The following CAST variants were observed in gnomAD, a reference collection of about 807,000 sequenced individuals.
CAST encodes MIR583 host.
In CAST, 76 loss-of-function variants were observed where a neutral mutation model predicts 119.6. The observed-to-expected ratio is 0.64, with a 90% CI of 0.53 to 0.77. The LOEUF (loss-of-function observed/expected upper bound fraction) is 0.77. Among genes scored for constraint, CAST ranks in the 30% least tolerant of loss-of-function variants. The pLI, the probability that CAST is intolerant of heterozygous loss-of-function variation, is 0.00. For missense variants in CAST, 953 were observed against 946.5 expected, an observed-to-expected ratio of 1.01 and a Z score of -0.09; for synonymous variants, 319 against 331.6, an observed-to-expected ratio of 0.96 and a Z score of 0.41.
At chr5:96,522,007 T>C (rs1745525507), upstream of CAST, among the ~76,000 whole-genome samples, 1 of 152,110 alleles carries the variant, frequency 6.6e-6, no homozygotes, top group African/African-American at 2.4e-5. Flanking sequence ...TCCCAGCTAC[T>C]TGGGAGGCTC....
chr5:96,409,462 AG>A, the CAST span, among the ~76,000 whole-genome samples: 1 of 152,222 alleles, frequency 6.6e-6, no homozygotes, highest in Non-Finnish European at 1.5e-5. Flanking sequence ...GGTTTGCGTA[AG>A]AAAAAGGTTA....
At chr5:96,370,720 T>C in the CAST span, among the ~76,000 whole-genome samples, 969 of 152,318 alleles carry the variant, frequency 6.4e-3, 14 homozygotes, top group Admixed American at 0.011. Flanking sequence ...TGGACTACAC[T>C]GTGCAACTGT....
At chr5:96,603,128 C>T (rs73774325) in intron 1 of CAST, among the ~76,000 whole-genome samples, 24 of 152,296 alleles carry the variant, frequency 1.6e-4, no homozygotes, top group African/African-American at 5.3e-4. Flanking sequence ...ATTGAAATGC[C>T]TTTTGGTTTG....
At chr5:96,416,791 G>A in the CAST span, among the ~76,000 whole-genome samples, 1 of 152,176 alleles carries the variant, frequency 6.6e-6, no homozygotes, top group Non-Finnish European at 1.5e-5. Context: ...AACATGATTG[G>A]TTTTGCAGTC....
intron 1 of CAST, chr5:96,663,088 C>T (rs1471382627): frequency 1.4e-6 from 1 of 702,058 alleles, no homozygotes; most frequent in Admixed American, 2.0e-5. Context: ...ACACCCCGCG[C>T]CCTCGCCGGC....
At chr5:96,026,831 C>T in the CAST span, among the ~76,000 whole-genome samples, 2 of 152,158 alleles carry the variant, frequency 1.3e-5, no homozygotes, top group Non-Finnish European at 2.9e-5. Context: ...TGGAATTATT[C>T]CAGATATGCT....
chr5:96,395,162 G>A, the CAST span: 1 of 742,688 alleles, frequency 1.3e-6, no homozygotes, highest in Non-Finnish European at 2.3e-6. Context: ...GAAACCATTG[G>A]ATCCACTCTT....
At chr5:96,650,201 T>C (rs775959706) in intron 1 of CAST, among the ~76,000 whole-genome samples, 18 of 152,336 alleles carry the variant, frequency 1.2e-4, no homozygotes, top group Non-Finnish European at 2.2e-4. Flanking sequence ...TTGGAACTAG[T>C]TCTAGCCAAT....
At chr5:96,684,593 C>T (rs927510812) in intron 2 of CAST, among the ~76,000 whole-genome samples, 4 of 149,894 alleles carry the variant, frequency 2.7e-5, no homozygotes, top group Non-Finnish European at 4.4e-5. Context: ...GATAGAGTCT[C>T]ACTTTGTTGC....
the CAST span, among the ~76,000 whole-genome samples, chr5:96,268,361 C>T: frequency 1.3e-5 from 2 of 152,092 alleles, no homozygotes; most frequent in African/African-American, 4.8e-5. Context: ...TTGCCTGAGG[C>T]AAGAAGTTCG....
At chr5:96,324,521 A>C in the CAST span, among the ~76,000 whole-genome samples, 2 of 151,224 alleles carry the variant, frequency 1.3e-5, no homozygotes, top group Non-Finnish European at 2.9e-5. Flanking sequence ...CCCTACCTTC[A>C]CTCTTTAGTC....
chr5:96,208,703 A>G, the CAST span, among the ~76,000 whole-genome samples: 1 of 150,476 alleles, frequency 6.6e-6, no homozygotes, highest in Non-Finnish European at 1.5e-5. Context: ...GTTTGGTATG[A>G]TTTTTTTTTA....
rs1770404494 is a variant in CAST at position 96,767,472 on chromosome 5, A to C, written c.2165A>C (p.Glu722Ala). 6.2e-7 allele frequency: 1 copy of C among 1,612,464 alleles called. No individual in the cohort carries two copies. Among genetic ancestry groups the C allele is most frequent in the African/African-American group, 1.3e-5 (1 of 75,004 alleles). Residue 722 changes from glutamate (E) to alanine (A), a missense_variant, in exon 28 of 32, where the codon GAG becomes GCG. Glu to Ala is a moderately radical substitution (Grantham distance 107). Transcript: ENST00000675179. ...GTGAAGCCACCTACAAAGAAATCAG[A>C]GGATTCAAAGGTAAAGACCATAGGA... ...KPVKPPTKKS[E>A]DSKKPADDQD...
chr5:96,280,216 T>C, the CAST span, among the ~76,000 whole-genome samples: 1 of 152,130 alleles, frequency 6.6e-6, no homozygotes, highest in Non-Finnish European at 1.5e-5. Context: ...TTACCGTAAA[T>C]TCATTCTCTG....
the CAST span, among the ~76,000 whole-genome samples, chr5:96,249,009 G>A: frequency 6.6e-6 from 1 of 152,202 alleles, no homozygotes; most frequent in Admixed American, 6.5e-5. Flanking sequence ...TGTTTGTGGA[G>A]AAAGATTGGC....
chr5:96,496,035 A>G, the CAST span, among the ~76,000 whole-genome samples: 5 of 152,202 alleles, frequency 3.3e-5, no homozygotes, highest in Non-Finnish European at 1.5e-5. Flanking sequence ...GAATATTTTC[A>G]TATGTGATAA....
At chr5:96,702,945 AGGCCGCGCGTGCTCCC>A (rs1754151261) in intron 3 of CAST, 4 of 985,610 alleles carry the variant, frequency 4.1e-6, no homozygotes, top group Non-Finnish European at 4.8e-6. Context: ...GCTTTGCTCC[AGGCCGCGCGTGCTCCC>A]GGGTCTAGGG....
At chr5:96,044,346 G>A in the CAST span, among the ~76,000 whole-genome samples, 4 of 152,098 alleles carry the variant, frequency 2.6e-5, no homozygotes, top group Non-Finnish European at 5.9e-5. Flanking sequence ...GAGGGACCCC[G>A]GAACTTTAAA....
At chr5:96,323,321 T>C in the CAST span, among the ~76,000 whole-genome samples, 1 of 152,174 alleles carries the variant, frequency 6.6e-6, no homozygotes, top group African/African-American at 2.4e-5. Flanking sequence ...GTTTAACAAG[T>C]TACAGGGATT....
Sources: gnomAD v4.1 joint callset for allele counts (sites outside exome capture counted in the v4.1 genomes callset) on GRCh38, gnomAD v4.1.1 for gene constraint, MANE v1.5 for transcripts, NCBI Gene and HGNC (gene_info 2026-07-23, HGNC 2026-07-21) for gene names.